The following PTPRD variants were observed in gnomAD, a reference collection of about 807,000 sequenced individuals.
The protein encoded by PTPRD is protein tyrosine phosphatase receptor type D.
A neutral mutation model predicts 214.5 loss-of-function variants in PTPRD; 34 were observed. That is an observed-to-expected ratio of 0.16 (90% confidence interval 0.12 to 0.21). The LOEUF is 0.21. Ranked by LOEUF, PTPRD falls within the 10% of genes least tolerant of loss-of-function variation. The pLI, the probability that PTPRD is intolerant of heterozygous loss-of-function variation, is 1.00. For missense variants in PTPRD, 2,545 were observed against 2,398.7 expected, an observed-to-expected ratio of 1.06 and a Z score of -1.27; for synonymous variants, 1,128 against 845.7, an observed-to-expected ratio of 1.33 and a Z score of -5.79.
intron 8 of PTPRD, among the ~76,000 whole-genome samples, chr9:9,486,182 A>AAAAAAAAAC (rs2095627301): frequency 1.5e-5 from 2 of 135,882 alleles, no homozygotes; most frequent in Non-Finnish European, 3.2e-5. Flanking sequence ...AAAAAAAAAA[A>AAAAAAAAAC]AAAGCCTTCC....
At chr9:10,286,990 T>G (rs1356888898) in intron 3 of PTPRD, among the ~76,000 whole-genome samples, 1 of 152,126 alleles carries the variant, frequency 6.6e-6, no homozygotes, top group African/African-American at 2.4e-5. Context: ...GTTAGCGAAC[T>G]TGAAAATGCA....
chr9:8,555,971 T>G (rs2083616530), intron 14 of PTPRD, among the ~76,000 whole-genome samples: 2 of 152,190 alleles, frequency 1.3e-5, no homozygotes, highest in Non-Finnish European at 2.9e-5. Context: ...TCTTCATTTC[T>G]CTGATGTGGA....
intron 20 of PTPRD, 137 bp from the exon 21 acceptor site, chr9:8,518,566 A>G (rs773640014): frequency 1.5e-5 from 10 of 668,152 alleles, no homozygotes; most frequent in Middle Eastern, 3.6e-4. Flanking sequence ...AGCAAAGAGT[A>G]GTTTTCTGAA....
At chr9:8,545,467 G>T (rs2079810065) in intron 14 of PTPRD, among the ~76,000 whole-genome samples, 2 of 152,124 alleles carry the variant, frequency 1.3e-5, no homozygotes. Context: ...TGAATTGCAG[G>T]ACATGAGGTA....
At chr9:9,591,125 G>C (rs2092684016) in intron 7 of PTPRD, among the ~76,000 whole-genome samples, 1 of 151,658 alleles carries the variant, frequency 6.6e-6, no homozygotes, top group Admixed American at 6.6e-5. Context: ...GTCTGGGTAG[G>C]CCCATTCTAA....
At position 8,769,755 on chromosome 9, in the gene PTPRD, A is replaced by G. The variant is rs1413863154; in HGVS notation, c.-103-35809T>C. Reference sequence around the variant, plus strand: ...CTTTATTGTTTTATATTTCTAAAACAAAGAGGGGAGGGAGAGTTTTTGCTT... The same window carrying G: ...CTTTATTGTTTTATATTTCTAAAACGAAGAGGGGAGGGAGAGTTTTTGCTT... On this transcript the variant is annotated intron_variant, in intron 11 of 45. Coordinates refer to ENST00000381196, the MANE Select transcript of PTPRD (RefSeq NM_002839.4). Among the ~76,000 whole-genome samples, 3 of 152,070 alleles carry G rather than the reference A, an allele frequency of 2.0e-5. No homozygotes were observed. The East Asian group carries it at 5.8e-4, about 29-fold the overall frequency.
chr9:8,587,164 C>A (rs1054998696), intron 14 of PTPRD, among the ~76,000 whole-genome samples: 6 of 151,976 alleles, frequency 3.9e-5, no homozygotes, highest in South Asian at 2.1e-4. Flanking sequence ...AACAAACAAA[C>A]GAACACAAAA....
chr9:10,031,322 G>A (rs953429955), intron 4 of PTPRD, among the ~76,000 whole-genome samples: 10 of 152,100 alleles, frequency 6.6e-5, no homozygotes, highest in African/African-American at 2.4e-4. Flanking sequence ...CTGTATGGGT[G>A]TTGCCAAAGG....
chr9:9,030,640 C>A (rs1214449800), intron 10 of PTPRD, among the ~76,000 whole-genome samples: 1 of 151,838 alleles, frequency 6.6e-6, no homozygotes. Flanking sequence ...AGTCACGGTT[C>A]TCCCAAGAAT....
chr9:8,586,240 C>T (rs550934764), intron 14 of PTPRD, among the ~76,000 whole-genome samples: 3 of 152,208 alleles, frequency 2.0e-5, no homozygotes, highest in African/African-American at 7.2e-5. Flanking sequence ...GTGGAAGTTG[C>T]GGTGAGCTGA....
chr9:9,132,250 C>T (rs908998453), intron 10 of PTPRD, among the ~76,000 whole-genome samples: 1 of 152,128 alleles, frequency 6.6e-6, no homozygotes. Flanking sequence ...ACCTTGTGAT[C>T]CGCCCGCTTC....
intron 5 of PTPRD, among the ~76,000 whole-genome samples, chr9:9,778,663 T>A (rs900583594): frequency 2.6e-5 from 4 of 152,126 alleles, no homozygotes; most frequent in Non-Finnish European, 5.9e-5. Flanking sequence ...GTACACAGTG[T>A]AGCCTTAGCA....
intron 36 of PTPRD, among the ~76,000 whole-genome samples, chr9:8,400,741 C>G (rs1189940946): frequency 6.6e-6 from 1 of 152,142 alleles, no homozygotes; most frequent in African/African-American, 2.4e-5. Flanking sequence ...GACTGTGTGA[C>G]TCTGGGCCAA....
chr9:9,487,912 C>T (rs1474813376), intron 8 of PTPRD, among the ~76,000 whole-genome samples: 2 of 152,092 alleles, frequency 1.3e-5, no homozygotes, highest in Non-Finnish European at 2.9e-5. Context: ...ACATGTACTT[C>T]ATGAATTGAA....
chr9:9,956,567 T>C (rs1259152290), intron 4 of PTPRD, among the ~76,000 whole-genome samples: 1 of 152,138 alleles, frequency 6.6e-6, no homozygotes, highest in Non-Finnish European at 1.5e-5. Context: ...TATGTTTTGT[T>C]ATGTGGTTTA....
intron 8 of PTPRD, chr9:9,414,796 G>A (rs1205208523): frequency 6.6e-6 from 1 of 152,204 alleles, no homozygotes; most frequent in Non-Finnish European, 1.5e-5. Context: ...ATGAGGCACT[G>A]AGAATAAGAC....
chr9:8,355,980 C>T (rs769305758), intron 39 of PTPRD, among the ~76,000 whole-genome samples: 9 of 152,138 alleles, frequency 5.9e-5, no homozygotes, highest in Non-Finnish European at 1.2e-4. Flanking sequence ...TGTGTGTTTA[C>T]ATACATACAC....
At chr9:9,788,603 G>A (rs1190802277) in intron 5 of PTPRD, among the ~76,000 whole-genome samples, 1 of 150,654 alleles carries the variant, frequency 6.6e-6, no homozygotes, top group Non-Finnish European at 1.5e-5. Context: ...AGCTTTCTAA[G>A]GGGTGGTAAT....
At chr9:9,960,243 T>C (rs1020369410) in intron 4 of PTPRD, among the ~76,000 whole-genome samples, 3 of 145,198 alleles carry the variant, frequency 2.1e-5, no homozygotes, top group African/African-American at 5.1e-5. Flanking sequence ...AAAAATAGTG[T>C]GTCAAAGGAG....
Sources: allele counts gnomAD v4.1 joint callset (sites outside exome capture counted in the v4.1 genomes callset), GRCh38; gene constraint gnomAD v4.1.1; transcripts MANE v1.5; gene names NCBI Gene and HGNC (gene_info 2026-07-23, HGNC 2026-07-21).